TNC: variants seen among roughly 807,000 people sequenced by gnomAD.
TNC encodes tenascin.
A neutral mutation model predicts 202.4 loss-of-function variants in TNC; 109 were observed. The ratio of observed to expected loss-of-function variants is 0.54; its 90% CI spans 0.46 to 0.63. The LOEUF (loss-of-function observed/expected upper bound fraction) is 0.63, where lower values mean the gene tolerates loss of function less well. TNC is among the 30% of genes least tolerant of loss of function. The pLI, the probability that TNC is intolerant of heterozygous loss-of-function variation, is 0.00. For missense variants in TNC, 2,756 were observed against 2,833.3 expected (o/e 0.97, Z 0.62); for synonymous variants, 1,007 against 1,089.7 (o/e 0.92, Z 1.50).
chr9:115,061,971 T>C (rs1388344930), intron 13 of TNC, among the ~76,000 whole-genome samples: 2 of 152,354 alleles, frequency 1.3e-5, no homozygotes, highest in Non-Finnish European at 2.9e-5. Flanking sequence ...CTAGATAGTT[T>C]CAGCAGAAGC....
chr9:115,070,599 C>T (rs1032034356), intron 10 of TNC, among the ~76,000 whole-genome samples: 10 of 152,160 alleles, frequency 6.6e-5, no homozygotes, highest in African/African-American at 2.2e-4. Flanking sequence ...ACATTATGGC[C>T]CAATCCATCA....
At chr9:115,094,280 A>G (rs1448437413) in intron 1 of TNC, among the ~76,000 whole-genome samples, 2 of 152,180 alleles carry the variant, frequency 1.3e-5, no homozygotes, top group Non-Finnish European at 2.9e-5. Flanking sequence ...TTGACCGCCT[A>G]GTTGAATACA....
chr9:115,026,651 G>C lies in TNC; in HGVS notation c.6214C>G (p.Leu2072Val), dbSNP rs1400504147. Residue 2072 changes from leucine to valine, a missense_variant, in exon 26 of 28, where the codon CTC becomes GTC. Physicochemically the swap from Leu to Val is conservative, Grantham distance 32. Transcript: ENST00000350763. ...CCATGGTCCCGCAGGTCCACCCGGA[G>C]CTCGTACTGCCCCTGGGCTGTGATT... ...NKITAQGQYE[L>V]RVDLRDHGET... is the part of the protein sequence containing the mutation. The C allele has an allele frequency of 2.5e-6, 4 of 1,613,950 alleles. No homozygotes were observed. Among genetic ancestry groups the C allele is most frequent in the Non-Finnish European group, 3.4e-6 (4 of 1,179,974 alleles).
At chr9:115,065,374 G>A (rs1358610698) in intron 10 of TNC, among the ~76,000 whole-genome samples, 1 of 152,036 alleles carries the variant, frequency 6.6e-6, no homozygotes, top group Non-Finnish European at 1.5e-5. Context: ...CCAGTCTGGG[G>A]GATAGAGTGA....
chr9:115,059,386 C>A lies in TNC; in HGVS notation c.4306+344G>T, dbSNP rs1376115605. ...CAGAACTCATATATAGGGAGGGAAG[C>A]TTTTAGTTATCTCCAAGCACTGGAG... On this transcript the variant is annotated intron_variant, in intron 14 of 27. Transcript: ENST00000350763. 2.0e-5 allele frequency among the ~76,000 whole-genome samples: 3 copies of A among 152,280 alleles called. No homozygotes were observed. In the East Asian group the frequency reaches 5.8e-4, roughly 29 times the overall value.
intron 15 of TNC, among the ~76,000 whole-genome samples, chr9:115,056,252 T>C (rs569131091): frequency 1.4e-4 from 22 of 152,294 alleles, no homozygotes; most frequent in African/African-American, 5.3e-4. Context: ...GTTTGTTCTG[T>C]AGATATTGTT....
intron 15 of TNC, among the ~76,000 whole-genome samples, chr9:115,054,609 C>A (rs1465511465): frequency 6.6e-6 from 1 of 152,094 alleles, no homozygotes; most frequent in Non-Finnish European, 1.5e-5. Context: ...TCAAAGGGTG[C>A]AACCAAGCTG....
intron 17 of TNC, 75 bp from the exon 18 acceptor site, chr9:115,042,416 CT>C (rs1463425047): frequency 1.3e-6 from 2 of 1,568,070 alleles, no homozygotes; most frequent in Non-Finnish European, 1.7e-6. Context: ...TCCTGAATTC[CT>C]TATTTAGGAA....
chr9:115,079,200 T>G (rs1834111404), intron 6 of TNC, among the ~76,000 whole-genome samples: 1 of 152,104 alleles, frequency 6.6e-6, no homozygotes, highest in Non-Finnish European at 1.5e-5. Flanking sequence ...TCAGTGAATC[T>G]TTGAATCTTT....
At chr9:115,032,317 TA>T (rs1467138493) in intron 22 of TNC, among the ~76,000 whole-genome samples, 1 of 152,192 alleles carries the variant, frequency 6.6e-6, no homozygotes, top group East Asian at 1.9e-4. Context: ...AGTTTATCAT[TA>T]AACGGAGTGA....
rs539947738 is a variant in TNC at position 115,063,882 on chromosome 9, A to G, written c.3674T>C (p.Leu1225Pro). 2 of 1,614,180 alleles carry G rather than the reference A, an allele frequency of 1.2e-6. No homozygotes were observed. Among genetic ancestry groups the G allele is most frequent in the African/African-American group, 1.3e-5 (1 of 75,038 alleles). ...GATGGTATAATGAGTGGCTGCTTTG[A>G]GCCCAGGCAGGTCTGTGGACCTCAG... ...GGLRSTDLPG[L>P]KAATHYTITI... is the part of the protein sequence containing the mutation. The change falls in exon 12 of 28, where the codon CTC becomes CCC. Residue 1225 changes from leucine to proline, a missense_variant. Physicochemically the swap from Leu to Pro is moderately conservative, Grantham distance 98. Coordinates refer to ENST00000350763, the MANE Select transcript of TNC (RefSeq NM_002160.4).
At chr9:115,047,170 C>T (rs1054430245) in intron 16 of TNC, among the ~76,000 whole-genome samples, 10 of 147,054 alleles carry the variant, frequency 6.8e-5, no homozygotes, top group Non-Finnish European at 1.2e-4. Context: ...CCCAAAATGG[C>T]TTTTAAAATG....
At position 115,090,598 on chromosome 9, in the gene TNC, T is replaced by A; in HGVS notation, c.421A>T (p.Thr141Ser). 1 of 1,595,020 alleles carries A rather than the reference T, an allele frequency of 6.3e-7. No homozygotes were observed. The highest frequency in any genetic ancestry group is 8.5e-7 in the Non-Finnish European group (1 of 1,169,694). ...NLVSSLREQC[T>S]AGAGCCLQPA... ...TGGAGACAGCAGCCTGCTCCTGCAG[T>A]ACATTGCTCCCTCAGGGAAGACACC... The change falls in exon 2 of 28, where the codon ACT becomes TCT. Residue 141 changes from threonine to serine, a missense_variant. Thr to Ser is a moderately conservative substitution (Grantham distance 58). Around this residue, in one of 2 missense-constraint regions of TNC, gnomAD observed 2,559 missense variants for 2,546.0 expected, o/e 1.01. Transcript: ENST00000350763.
intron 16 of TNC, 136 bp from the exon 17 acceptor site, chr9:115,046,818 A>C (rs893257321): frequency 1.0e-6 from 1 of 991,708 alleles, no homozygotes; most frequent in African/African-American, 1.6e-5. Context: ...TGAGATACCA[A>C]AAATAAAATC....
intron 17 of TNC, among the ~76,000 whole-genome samples, chr9:115,042,577 G>C (rs1830846919): frequency 1.3e-5 from 2 of 152,274 alleles, no homozygotes; most frequent in African/African-American, 4.8e-5. Context: ...TAATTCAAGG[G>C]GAGTGATAGG....
At chr9:115,038,750 G>T (rs1830517890) in intron 19 of TNC, among the ~76,000 whole-genome samples, 1 of 152,226 alleles carries the variant, frequency 6.6e-6, no homozygotes, top group African/African-American at 2.4e-5. Flanking sequence ...CCCAGAGAAA[G>T]AACTTACACA....
In TNC at chr9:115,095,755, TATA is replaced by T. The variant is rs889658168; in HGVS notation, c.-136-4604_-136-4602del. ...TAATAGTTGCTCCAATTATATTACA[TATA>T]ATATTATAATATGTGATGTAACATA... On this transcript the variant is annotated intron_variant, in intron 1 of 27. Coordinates refer to ENST00000350763, the MANE Select transcript of TNC (RefSeq NM_002160.4). Among the ~76,000 whole-genome samples, 187 of 147,514 alleles carry T rather than the reference TATA, an allele frequency of 1.3e-3. 1 individual carries two copies. The highest frequency in any genetic ancestry group is 7.1e-3 in the Middle Eastern group (2 of 280).
At chr9:115,031,136 T>C (rs1312854117) in intron 23 of TNC, among the ~76,000 whole-genome samples, 1 of 152,226 alleles carries the variant, frequency 6.6e-6, no homozygotes, top group African/African-American at 2.4e-5. Flanking sequence ...GACTTTCAGC[T>C]CATGTTGAAC....
rs149986851 is a variant in TNC at position 115,087,123 on chromosome 9, C to A, written c.608G>T (p.Gly203Val). The A allele has an allele frequency of 5.1e-4, 821 of 1,614,118 alleles. 1 individual carries two copies. Among genetic ancestry groups the A allele is most frequent in the Non-Finnish European group, 6.6e-4 (773 of 1,180,060 alleles). The change falls in exon 3 of 28, where the codon GGG (glycine) becomes GTG (valine). Residue 203 changes from glycine to valine, a missense_variant. Transcript: ENST00000350763. ...NCHLRGRCID[G>V]QCICDDGFTG... is the part of the protein sequence containing the mutation. ...GAAGCCGTCGTCACAGATGCACTGC[C>A]CATCAATGCACCGGCCTCGAAGGTG...
Sources: allele counts gnomAD v4.1 joint callset (sites outside exome capture counted in the v4.1 genomes callset), GRCh38; gene constraint gnomAD v4.1.1; regional missense constraint gnomAD v4.1.1; transcripts MANE v1.5; gene names NCBI Gene and HGNC (gene_info 2026-07-23, HGNC 2026-07-21).